BSG: variants seen among roughly 807,000 people sequenced by gnomAD.
BSG encodes the protein basigin (Ok blood group).
In BSG, 37 loss-of-function variants were observed where a neutral mutation model predicts 43.1. That is an observed-to-expected ratio of 0.86 (90% CI 0.66 to 1.13). The LOEUF (loss-of-function observed/expected upper bound fraction) is 1.13, where lower values mean the gene tolerates loss of function less well. Among genes scored for constraint, BSG ranks in the 50% most tolerant of loss-of-function variants. The pLI is 0.00. For synonymous variants in BSG, 309 were observed against 238.7 expected, an observed-to-expected ratio of 1.29 and a Z score of -2.72; for missense variants, 599 against 554.2, an observed-to-expected ratio of 1.08 and a Z score of -0.81.
chr19:571,638 G>A (rs1468710898), upstream of BSG: 1 of 778,058 alleles, frequency 1.3e-6, no homozygotes, highest in East Asian at 2.4e-5. Context: ...TGGGGGCGGC[G>A]AGTCGGTCCC....
At chr19:575,866 G>C (rs188261956) in intron 1 of BSG, among the ~76,000 whole-genome samples, 1 of 152,066 alleles carries the variant, frequency 6.6e-6, no homozygotes, top group Non-Finnish European at 1.5e-5. Flanking sequence ...TGCGGCGGGC[G>C]AGATGGGGTG....
chr19:581,167 G>A (rs375240640), intron 5 of BSG, 148 bp from the exon 6 acceptor site: 49,804 of 795,618 alleles, frequency 0.063, 1,929 homozygotes, highest in Admixed American at 0.15. Flanking sequence ...CCTCCGGACT[G>A]GGTGAGGGGC....
chr19:572,632 A>C lies in BSG; in HGVS notation c.-3A>C, dbSNP rs14173. 6.7e-7 allele frequency: 1 copy of C among 1,499,458 alleles called. No homozygotes were observed. Among genetic ancestry groups the C allele is most frequent in the Non-Finnish European group, 8.9e-7 (1 of 1,122,158 alleles). The allele number at this position is 1,499,458 out of a possible 1,614,324, so 92.9% of individuals were successfully genotyped here. A position where few individuals can be genotyped will look rare whatever the true frequency, so the allele number is the denominator to read the frequency against. On this transcript the variant is annotated 5_prime_UTR_variant, in exon 1 of 9. Transcript: ENST00000333511. ...GTTGTAGGACCGGCGAGGAATAGGA[A>C]TCATGGCGGCTGCGCTGTTCGTGCT...
chr19:577,652 C>CT, intron 1 of BSG, 122 bp from the exon 2 acceptor site: 2 of 801,142 alleles, frequency 2.5e-6, no homozygotes, highest in Non-Finnish European at 3.5e-6. Flanking sequence ...CTCCCACAAG[C>CT]TGAAAGGAAG....
In BSG at chr19:578,020, C is replaced by T. The variant is rs1296111657; in HGVS notation, c.314C>T (p.Thr105Ile). 7 of 1,611,936 alleles carry T rather than the reference C, an allele frequency of 4.3e-6. No individual in the cohort carries two copies. Among genetic ancestry groups the T allele is most frequent in the Non-Finnish European group, 5.9e-6 (7 of 1,179,590 alleles). ...ACGCTCGTGGAGGAGGACACGGGCA[C>T]TTACGAGTGCCGGGCCAGCAACGAC... ...IDTLVEEDTG[T>I]YECRASNDPD... is the part of the protein sequence containing the mutation. Residue 105 changes from threonine to isoleucine, a missense_variant, in exon 2 of 9, where the codon ACT becomes ATT. Thr to Ile is a moderately conservative substitution (Grantham distance 89). Coordinates refer to ENST00000333511, the MANE Select transcript of BSG (RefSeq NM_001728.4).
intron 1 of BSG, among the ~76,000 whole-genome samples, chr19:574,772 G>T (rs1032199148): frequency 6.6e-6 from 1 of 152,174 alleles, no homozygotes; most frequent in Non-Finnish European, 1.5e-5. Flanking sequence ...CGTCTTCCTG[G>T]TAACCAAAGT....
At position 581,588 on chromosome 19, in the gene BSG, G is replaced by T. The variant is rs962915825; in HGVS notation, c.1066G>T (p.Asp356Tyr). 1.9e-6 allele frequency: 3 copies of T among 1,588,252 alleles called. No individual in the cohort carries two copies. The highest frequency in any genetic ancestry group is 2.6e-6 in the Non-Finnish European group (3 of 1,169,796). The stretch of plus-strand genomic sequence containing the variant: ...GCGCCGGAAGCCCGAGGACGTCCTG[G>T]ATGGTGAGCCGTCTGCCCTCCTGCC... Reference protein sequence around the residue: ...EKRRKPEDVLDDDDAGSAPLK... With the variant: ...EKRRKPEDVLYDDDAGSAPLK... Residue 356 changes from aspartate (D) to tyrosine (Y), a missense_variant, in exon 6 of 9, where the codon GAT becomes TAT. Asp to Tyr is a radical substitution (Grantham distance 160). Coordinates refer to ENST00000333511, the MANE Select transcript of BSG (RefSeq NM_001728.4).
At position 579,308 on chromosome 19, in the gene BSG, G is replaced by A. The variant is rs749569230; in HGVS notation, c.416-192G>A. ...AAGGGGCCTCCTCAGCAGGCGCTGG[G>A]CTCTTCCCTTCCCGGAGGCGTGGCC... is the stretch of plus-strand genomic sequence containing the variant. On this transcript the variant is annotated intron_variant, in intron 2 of 8. Transcript: ENST00000333511. 9 of 786,166 alleles carry A rather than the reference G, an allele frequency of 1.1e-5. No individual in the cohort carries two copies. The South Asian group carries it at 1.3e-4, about 11-fold the overall frequency. 48.7% of individuals were successfully genotyped at this position (786,166 alleles called of 1,614,324 possible).
intron 3 of BSG, among the ~76,000 whole-genome samples, 198 bp from the exon 4 acceptor site, chr19:580,179 TTC>T (rs951528526): frequency 2.0e-5 from 3 of 152,132 alleles, no homozygotes; most frequent in Non-Finnish European, 2.9e-5. Context: ...GGTCTGTTGG[TTC>T]TCTCACCTGT....
chr19:579,434 GGGTCA>G (rs772880151), intron 2 of BSG, 61 bp from the exon 3 acceptor site: 5 of 1,598,744 alleles, frequency 3.1e-6, no homozygotes, highest in Non-Finnish European at 4.3e-6. Flanking sequence ...AGGTTCCTGG[GGGTCA>G]GGCAGGCAGC....
chr19:577,921 A>G lies in BSG; in HGVS notation c.215A>G (p.Asp72Gly). 1 of 1,602,666 alleles carries G rather than the reference A, an allele frequency of 6.2e-7. No individual in the cohort carries two copies. The highest frequency in any genetic ancestry group is 8.5e-7 in the Non-Finnish European group (1 of 1,173,110). Residue 72 changes from aspartate to glycine, a missense_variant, in exon 2 of 9, where the codon GAC (aspartate) becomes GGC (glycine). Coordinates refer to ENST00000333511, the MANE Select transcript of BSG (RefSeq NM_001728.4). ...GPNDTCSQLW[D>G]GARLDRVHIH... ...AACGACACCTGCTCCCAGCTCTGGG[A>G]CGGCGCCCGGCTGGACCGCGTCCAC...
chr19:577,787 G>A lies in BSG; in HGVS notation c.81G>A (p.Gln27=). ...HGASGAAGFV[Q]APLSQQRWVG... ...CTCTCCCCACAGCCGGCTTCGTCCAGGCGCCGCTGTCCCAGCAGAGGTGGG... is the reference window on the plus strand; with the variant it reads ...CTCTCCCCACAGCCGGCTTCGTCCAAGCGCCGCTGTCCCAGCAGAGGTGGG... Residue 27 remains glutamine, a synonymous_variant, in exon 2 of 9, where the codon CAG becomes CAA. Coordinates refer to ENST00000333511, the MANE Select transcript of BSG (RefSeq NM_001728.4). The A allele has an allele frequency of 7.0e-7, 1 of 1,423,236 alleles. No homozygotes were observed. Among genetic ancestry groups the A allele is most frequent in the Non-Finnish European group, 9.2e-7 (1 of 1,084,374 alleles). The allele number at this position is 1,423,236 out of a possible 1,614,324, so 88.2% of individuals were successfully genotyped here. A position where few individuals can be genotyped will look rare whatever the true frequency, so the allele number is the denominator to read the frequency against.
At chr19:572,469 T>TGCGCGCGTGCGCAGGCGGG (rs1555725138), upstream of BSG, 6 of 1,166,288 alleles carry the variant, frequency 5.1e-6, no homozygotes, top group African/African-American at 9.7e-5. Context: ...TGCGAGCGTG[T>TGCGCGCGTGCGCAGGCGGG]GCGCGCGTGC....
At chr19:575,047 G>A (rs944964589) in intron 1 of BSG, 2 of 152,250 alleles carry the variant, frequency 1.3e-5, no homozygotes, top group African/African-American at 4.8e-5. Context: ...TGTTCCTTTT[G>A]TGCATTTGTG....
In BSG at chr19:577,943, C is replaced by A. The variant is rs763348968; in HGVS notation, c.237C>A (p.Val79=). The A allele has an allele frequency of 4.3e-6, 7 of 1,610,336 alleles. No individual in the cohort carries two copies. In the South Asian group the frequency reaches 7.7e-5, roughly 18 times the overall value. The change falls in exon 2 of 9, where the codon GTC becomes GTA. Residue 79 remains valine (V), a synonymous_variant. Coordinates refer to ENST00000333511, the MANE Select transcript of BSG (RefSeq NM_001728.4). ...GGGACGGCGCCCGGCTGGACCGCGT[C>A]CACATCCACGCCACCTACCACCAGC... The part of the protein sequence containing the change: ...QLWDGARLDR[V]HIHATYHQHA...
At chr19:573,017 C>G (rs528217456) in intron 1 of BSG, among the ~76,000 whole-genome samples, 1 of 151,914 alleles carries the variant, frequency 6.6e-6, no homozygotes, top group South Asian at 2.1e-4. Context: ...CCAGGCCGGT[C>G]TTGGTCAGGG....
rs1428984109 is a variant in BSG, at chr19:581,395, C to G, written c.873C>G (p.Asn291Lys). ...CAGAGCTACACATTGAGAACCTGAA[C>G]ATGGAGGCCGACCCCGGCCAGTACC... is the stretch of plus-strand genomic sequence containing the variant. ...GRSELHIENL[N>K]MEADPGQYRC... Residue 291 changes from asparagine to lysine, a missense_variant, in exon 6 of 9, where the codon AAC (asparagine) becomes AAG (lysine). Physicochemically the swap from Asn to Lys is moderately conservative, Grantham distance 94. Transcript: ENST00000333511. 2 of 1,612,820 alleles carry G rather than the reference C, an allele frequency of 1.2e-6. No individual in the cohort carries two copies. The highest frequency in any genetic ancestry group is 1.7e-6 in the Non-Finnish European group (2 of 1,179,956).
chr19:582,712 G>A, intron 8 of BSG, 38 bp from the exon 9 acceptor site: 1 of 1,032,964 alleles, frequency 9.7e-7, no homozygotes, highest in Non-Finnish European at 1.4e-6. Context: ...GGGTCGCTGG[G>A]AGGTGGGTCC....
chr19:579,885 C>T, intron 3 of BSG: 1 of 624,776 alleles, frequency 1.6e-6, no homozygotes. Flanking sequence ...CCATTGCTTG[C>T]TCCTCACTAG....
Sources: allele counts gnomAD v4.1 joint callset (sites outside exome capture counted in the v4.1 genomes callset), GRCh38; gene constraint gnomAD v4.1.1; transcripts MANE v1.5; gene names NCBI Gene and HGNC (gene_info 2026-07-23, HGNC 2026-07-21).